The following GMNC variants were observed in gnomAD, a reference collection of about 807,000 sequenced individuals.
The protein encoded by GMNC is geminin coiled-coil domain-containing protein 1.
Under a neutral mutation model 33.6 loss-of-function variants are expected in GMNC, and 16 were observed. That is an observed-to-expected ratio of 0.48 (90% CI 0.32 to 0.72). The LOEUF (loss-of-function observed/expected upper bound fraction) is 0.72, where lower values mean the gene tolerates loss of function less well. Among genes scored for constraint, GMNC ranks in the 30% least tolerant of loss-of-function variants. GMNC has a pLI of 0.03. For synonymous variants in GMNC, 156 were observed against 147.3 expected, an observed-to-expected ratio of 1.06 and a Z score of -0.43; for missense variants, 393 against 388.9, an observed-to-expected ratio of 1.01 and a Z score of -0.09.
At chr3:190,858,161 G>A (rs1225529901) in intron 3 of GMNC, 2 of 373,104 alleles carry the variant, frequency 5.4e-6, no homozygotes, top group Non-Finnish European at 9.7e-6. Flanking sequence ...AACCACAAGC[G>A]AATCAGGTAG....
chr3:190,860,753 T>C lies in GMNC; in HGVS notation c.109A>G (p.Thr37Ala), dbSNP rs1737844273. Residue 37 changes from threonine to alanine, a missense_variant, in exon 2 of 5, where the codon ACT becomes GCT. By Grantham distance (58) the Thr-to-Ala change is moderately conservative. Transcript: ENST00000442080. ...SESSVDVSTETWVSFWAAGLL... is the reference protein window; with the variant it reads ...SESSVDVSTEAWVSFWAAGLL... ...CCAGCAGCCCAGAAAGAGACCCAAG[T>C]CTCCGTGGAAACGTCAACACTAGAT... 3 of 1,551,492 alleles carry C rather than the reference T, an allele frequency of 1.9e-6. No homozygotes were observed.
downstream of GMNC, among the ~76,000 whole-genome samples, chr3:190,847,950 G>A: frequency 6.6e-6 from 1 of 152,108 alleles, no homozygotes; most frequent in East Asian, 1.9e-4. Context: ...CAAAACTGGT[G>A]GATATGCATC....
intron 3 of GMNC, 63 bp from the exon 4 acceptor site, chr3:190,857,962 T>A: frequency 1.2e-6 from 1 of 849,790 alleles, no homozygotes; most frequent in Non-Finnish European, 2.0e-6. Context: ...CTTATAATAA[T>A]GCCACTGCTC....
downstream of GMNC, among the ~76,000 whole-genome samples, chr3:190,849,191 A>G (rs554943118): frequency 7.2e-5 from 11 of 152,126 alleles, no homozygotes; most frequent in Non-Finnish European, 1.5e-4. Flanking sequence ...GCTAGGTGGG[A>G]CTAGTCATGG....
rs148053524 is a variant in GMNC, at chr3:190,858,602, A to G, written c.267+326T>C. ...GTTTAAAAATACTGTCACACTCATT[A>G]TATCATTCGATCTTTTCAAACGCTC... On this transcript the variant is annotated intron_variant, in intron 3 of 4. Coordinates refer to ENST00000442080, the MANE Select transcript of GMNC (RefSeq NM_001146686.3). 4.4e-3 allele frequency among the ~76,000 whole-genome samples: 666 copies of G among 152,342 alleles called. 11 individuals carry two copies. Among genetic ancestry groups the G allele is most frequent in the Middle Eastern group, 0.037 (11 of 294 alleles).
chr3:190,860,587 C>G (rs567598479), intron 2 of GMNC, 97 bp downstream of exon 2: 10 of 1,026,828 alleles, frequency 9.7e-6, no homozygotes, highest in Non-Finnish European at 1.2e-5. Context: ...TTTTCCATAT[C>G]GTCCCTTATT....
intron 4 of GMNC, among the ~76,000 whole-genome samples, 161 bp downstream of exon 4, chr3:190,857,622 T>TA (rs550614499): frequency 7.2e-5 from 11 of 152,302 alleles, no homozygotes; most frequent in Middle Eastern, 3.4e-3. Context: ...AAATGATAGA[T>TA]AAAAATTCTT....
rs760403119 is a variant in GMNC at position 190,857,876 on chromosome 3, C to T, written c.291G>A (p.Lys97=). 1.2e-5 allele frequency: 18 copies of T among 1,548,730 alleles called. No homozygotes were observed. In the African/African-American group the frequency reaches 1.9e-4, roughly 17 times the overall value. ...CGTGTAACCTGGCGAGTTCTTCTTC[C>T]TTCTGCACCAGGGTATCTTGCAGCT... ...NKQLQDTLVQ[K]EEELARLHEE... Residue 97 remains lysine, a synonymous_variant, in exon 4 of 5, where the codon AAG becomes AAA. Transcript: ENST00000442080.
Position 190,855,395 on chromosome 3 carries a change from T to A in GMNC, c.905A>T (p.His302Leu), listed in dbSNP as rs1737710502. Reference protein sequence around the residue: ...EMAFSTSLSPHCNVKTHSFHQ... With the variant: ...EMAFSTSLSPLCNVKTHSFHQ... ...GAAGGAATGAGTTTTCACATTACAA[T>A]GAGGGCTCAGGGATGTGGAAAATGC... Residue 302 changes from histidine (H) to leucine (L), a missense_variant, in exon 5 of 5, where the codon CAT (histidine) becomes CTT (leucine). By Grantham distance (99) the His-to-Leu change is moderately conservative. Coordinates refer to ENST00000442080, the MANE Select transcript of GMNC (RefSeq NM_001146686.3). The A allele has an allele frequency of 1.3e-6, 2 of 1,551,978 alleles. No individual in the cohort carries two copies. The highest frequency in any genetic ancestry group is 4.9e-5 in the East Asian group (2 of 40,918).
In GMNC at chr3:190,852,948, T is replaced by G. The variant is rs1237179707; in HGVS notation, c.*2347A>C. 2 of 152,164 alleles carry G rather than the reference T, an allele frequency of 1.3e-5. No homozygotes were observed. The highest frequency in any genetic ancestry group is 2.9e-5 in the Non-Finnish European group (2 of 67,990). The allele number at this position is 152,164 out of a possible 1,614,324, so 9.4% of individuals were successfully genotyped here. A position where few individuals can be genotyped will look rare whatever the true frequency, so the allele number is the denominator to read the frequency against. ...TTTCTATACATAATTTAAATGGATA[T>G]TAAATATTTATAGACATGATTTCAA... On this transcript the variant is annotated 3_prime_UTR_variant, in exon 5 of 5. Transcript: ENST00000442080.
At chr3:190,845,508 CTT>C in the GMNC span, among the ~76,000 whole-genome samples, 19 of 125,762 alleles carry the variant, frequency 1.5e-4, no homozygotes, top group Admixed American at 2.5e-4. Context: ...ATTTTGAAAC[CTT>C]TTTTTTTTTT....
Position 190,862,619 on chromosome 3 carries a change from G to T in GMNC, c.-4C>A, listed in dbSNP as rs1737897818. On this transcript the variant is annotated 5_prime_UTR_variant, in exon 1 of 5. Transcript: ENST00000442080. This position sits in a 1 kb window ranked among gnomAD's most constrained non-coding sequence, Gnocchi z 4.5. ...ACGCCAGTTCCTCACTTACCATCTT[G>T]CAGTGGAAGAAAGCGCTGCAGAAAC... The T allele has an allele frequency of 1.9e-6, 3 of 1,551,844 alleles. No individual in the cohort carries two copies. In the African/African-American group the frequency reaches 4.1e-5, roughly 21 times the overall value.
At chr3:190,843,745 T>A in the GMNC span, among the ~76,000 whole-genome samples, 1 of 152,200 alleles carries the variant, frequency 6.6e-6, no homozygotes, top group East Asian at 1.9e-4. Flanking sequence ...ACTGCTTTTT[T>A]GCTTCAATCA....
rs1553787646 is a variant in GMNC at position 190,862,362 on chromosome 3, A to AGACAG, written c.3+250_3+251insCTGTC. Among the ~76,000 whole-genome samples, 18 of 147,546 alleles carry AGACAG rather than the reference A, an allele frequency of 1.2e-4. No individual in the cohort carries two copies. The highest frequency in any genetic ancestry group is 6.7e-4 in the Admixed American group (10 of 14,902). ...AAGTAAGGAAAGTAGTAATAACAGA[A>AGACAG]AGAGAGAGAGAGGGCGAGAGAGAGA... On this transcript the variant is annotated intron_variant, in intron 1 of 4. Coordinates refer to ENST00000442080, the MANE Select transcript of GMNC (RefSeq NM_001146686.3). This position sits in a 1 kb window ranked among gnomAD's most constrained non-coding sequence, Gnocchi z 4.5.
chr3:190,846,632 A>T, the GMNC span, among the ~76,000 whole-genome samples: 1 of 152,196 alleles, frequency 6.6e-6, no homozygotes, highest in Admixed American at 6.5e-5. Context: ...AGAGAAGTTC[A>T]TGGAAACTCA....
In GMNC at chr3:190,855,845, T is replaced by G. The variant is rs1179288107; in HGVS notation, c.455A>C (p.Glu152Ala). 1 of 1,551,094 alleles carries G rather than the reference T, an allele frequency of 6.4e-7. No homozygotes were observed. The highest frequency in any genetic ancestry group is 8.7e-7 in the Non-Finnish European group (1 of 1,146,588). ...KFRKGKRKSKEQRYSPAEIPH... is the reference protein window; with the variant it reads ...KFRKGKRKSKAQRYSPAEIPH... ...AATCTCAGCAGGAGAGTATCTTTGC[T>G]CTTTGGATTTTCTCTTCCCCTTCCT... Residue 152 changes from glutamate (E) to alanine (A), a missense_variant, in exon 5 of 5, where the codon GAG (glutamate) becomes GCG (alanine). Transcript: ENST00000442080.
rs1438851796 is a variant in GMNC, at chr3:190,854,239, A to G, written c.*1056T>C. 2 of 152,120 alleles carry G rather than the reference A, an allele frequency of 1.3e-5. No homozygotes were observed. The highest frequency in any genetic ancestry group is 1.9e-4 in the East Asian group (1 of 5,194). The allele number at this position is 152,120 out of a possible 1,614,324, so 9.4% of individuals were successfully genotyped here. On this transcript the variant is annotated 3_prime_UTR_variant, in exon 5 of 5. Transcript: ENST00000442080. Reference sequence around the variant, plus strand: ...TCTACAGTTGGGAAACTGAACCTTCACAAAAGGGAAGTCGTTTTCGCAAAG... The same window carrying G: ...TCTACAGTTGGGAAACTGAACCTTCGCAAAAGGGAAGTCGTTTTCGCAAAG...
chr3:190,862,074 A>T lies in GMNC; in HGVS notation c.3+539T>A, dbSNP rs13325354. 6.6e-6 allele frequency among the ~76,000 whole-genome samples: 1 copy of T among 151,964 alleles called. No individual in the cohort carries two copies. Among genetic ancestry groups the T allele is most frequent in the Non-Finnish European group, 1.5e-5 (1 of 67,992 alleles). On this transcript the variant is annotated intron_variant, in intron 1 of 4. Coordinates refer to ENST00000442080, the MANE Select transcript of GMNC (RefSeq NM_001146686.3). The surrounding 1 kb of genome is among the most constrained non-coding windows in gnomAD (Gnocchi z 4.5). ...AAGTCCAGCTTGGGCAGTGCAGACCAAAGAAATTCAGCCAAAAGTTTATCA... is the reference window on the plus strand; with the variant it reads ...AAGTCCAGCTTGGGCAGTGCAGACCTAAGAAATTCAGCCAAAAGTTTATCA...
At position 190,855,627 on chromosome 3, in the gene GMNC, G is replaced by C. The variant is rs1737717249; in HGVS notation, c.673C>G (p.Gln225Glu). Residue 225 changes from glutamine to glutamate, a missense_variant, in exon 5 of 5, where the codon CAG (glutamine) becomes GAG (glutamate). Gln to Glu is a conservative substitution (Grantham distance 29). Transcript: ENST00000442080. ...TAATCAACTGCATCATCCGGAAACT[G>C]GGAAAATGTGCTGGCGACTCTTCTG... The part of the protein sequence containing the change: ...HPRRVASTFS[Q>E]FPDDAVDYKN... 8 of 1,551,578 alleles carry C rather than the reference G, an allele frequency of 5.2e-6. No homozygotes were observed. Among genetic ancestry groups the C allele is most frequent in the Non-Finnish European group, 6.1e-6 (7 of 1,146,908 alleles).
Sources: gnomAD v4.1 joint callset for allele counts (sites outside exome capture counted in the v4.1 genomes callset) on GRCh38, gnomAD v4.1.1 for gene constraint, Gnocchi (gnomAD v3.1) non-coding constraint, MANE v1.5 for transcripts, NCBI Gene and HGNC (gene_info 2026-07-23, HGNC 2026-07-21) for gene names.